The following ARK2C variants were observed in gnomAD, a reference collection of about 807,000 sequenced individuals.
ARK2C encodes the protein arkadia (RNF111) C-terminal like ring finger ubiquitin ligase 2C.
chr18:46,449,917 T>C, the ARK2C span, among the ~76,000 whole-genome samples: 20 of 152,322 alleles, frequency 1.3e-4, no homozygotes, highest in African/African-American at 4.6e-4. Flanking sequence ...GAAATCCTGG[T>C]TCTGTCCCTT....
the ARK2C span, chr18:46,457,128 C>T: frequency 1.3e-5 from 2 of 153,242 alleles, no homozygotes; most frequent in African/African-American, 4.8e-5. Flanking sequence ...GTCGCTATTA[C>T]CGAATTCGCA....
chr18:46,403,987 C>A, the ARK2C span, among the ~76,000 whole-genome samples: 16 of 152,172 alleles, frequency 1.1e-4, no homozygotes, highest in Admixed American at 9.8e-4. Flanking sequence ...GATTCTACTG[C>A]CCTGTGTGAT....
the ARK2C span, among the ~76,000 whole-genome samples, chr18:46,433,773 G>T: frequency 6.6e-6 from 1 of 152,254 alleles, no homozygotes; most frequent in Non-Finnish European, 1.5e-5. Flanking sequence ...TCAGAAGCCA[G>T]TGTGTGTCCC....
chr18:46,383,559 T>G, the ARK2C span, among the ~76,000 whole-genome samples: 5 of 145,072 alleles, frequency 3.4e-5, no homozygotes, highest in South Asian at 4.6e-4. Context: ...TGTTTTTTTT[T>G]TTTTTTTTTT....
the ARK2C span, among the ~76,000 whole-genome samples, chr18:46,448,188 C>A: frequency 6.7e-5 from 10 of 150,286 alleles, no homozygotes; most frequent in Non-Finnish European, 1.3e-4. Flanking sequence ...CCCCTTATAT[C>A]CTGGCTCCCC....
At chr18:46,454,237 A>AATTTGCC in the ARK2C span, among the ~76,000 whole-genome samples, 1 of 151,946 alleles carries the variant, frequency 6.6e-6, no homozygotes, top group African/African-American at 2.4e-5. Flanking sequence ...GAAAATCATG[A>AATTTGCC]ATAATGATGG....
the ARK2C span, among the ~76,000 whole-genome samples, chr18:46,374,429 G>A: frequency 1.3e-5 from 2 of 151,916 alleles, no homozygotes; most frequent in South Asian, 2.1e-4. Context: ...TTCTCCTCCC[G>A]CCAGCCCCTG....
chr18:46,385,597 CA>C, the ARK2C span: 2 of 152,166 alleles, frequency 1.3e-5, no homozygotes, highest in Non-Finnish European at 2.9e-5. Flanking sequence ...CTTTGAAATG[CA>C]CAGACAGAAA....
the ARK2C span, among the ~76,000 whole-genome samples, chr18:46,410,451 C>A: frequency 1.3e-5 from 2 of 152,206 alleles, no homozygotes; most frequent in Admixed American, 6.5e-5. Context: ...AGGACTGAAC[C>A]CGTTAGGCTG....
chr18:46,393,105 G>T, the ARK2C span, among the ~76,000 whole-genome samples: 1 of 152,188 alleles, frequency 6.6e-6, no homozygotes, highest in South Asian at 2.1e-4. Flanking sequence ...GTCACTTCCT[G>T]CTGTCTGAGC....
the ARK2C span, among the ~76,000 whole-genome samples, chr18:46,451,909 T>C: frequency 6.5e-4 from 99 of 152,340 alleles, no homozygotes; most frequent in Non-Finnish European, 1.2e-3. Flanking sequence ...CCAAAATGGC[T>C]GTGTACTGTA....
chr18:46,383,074 C>G, the ARK2C span, among the ~76,000 whole-genome samples: 1 of 152,280 alleles, frequency 6.6e-6, no homozygotes, highest in Admixed American at 6.5e-5. Flanking sequence ...TGCCTGCCTT[C>G]TTCTCAGCAT....
At chr18:46,362,310 C>T in the ARK2C span, among the ~76,000 whole-genome samples, 2 of 152,218 alleles carry the variant, frequency 1.3e-5, no homozygotes, top group African/African-American at 4.8e-5. Flanking sequence ...GACTCTTAGG[C>T]CTCGGTTTAC....
chr18:46,390,590 C>T, the ARK2C span, among the ~76,000 whole-genome samples: 3 of 152,298 alleles, frequency 2.0e-5, no homozygotes, highest in South Asian at 2.1e-4. Context: ...AATACTAACC[C>T]TTCTCAAAGT....
chr18:46,433,682 G>T, the ARK2C span, among the ~76,000 whole-genome samples: 22 of 152,226 alleles, frequency 1.4e-4, no homozygotes, highest in Non-Finnish European at 2.5e-4. Context: ...GTCACCAAGT[G>T]GGTCTCTGTA....
At chr18:46,360,112 G>A in the ARK2C span, among the ~76,000 whole-genome samples, 8 of 152,296 alleles carry the variant, frequency 5.3e-5, no homozygotes, top group South Asian at 1.7e-3. Flanking sequence ...CGCATCACAA[G>A]TCCATGCAAT....
the ARK2C span, among the ~76,000 whole-genome samples, chr18:46,348,983 G>A: frequency 6.6e-6 from 1 of 150,902 alleles, no homozygotes; most frequent in Non-Finnish European, 1.5e-5. Context: ...TGGTTGCATG[G>A]AGCACAGTTT....
At chr18:46,416,093 AC>A in the ARK2C span, among the ~76,000 whole-genome samples, 1 of 152,182 alleles carries the variant, frequency 6.6e-6, no homozygotes, top group South Asian at 2.1e-4. Flanking sequence ...AAAACTCAAA[AC>A]AATTGATTTG....
At chr18:46,353,169 A>G in the ARK2C span, among the ~76,000 whole-genome samples, 1 of 152,276 alleles carries the variant, frequency 6.6e-6, no homozygotes, top group Non-Finnish European at 1.5e-5. Flanking sequence ...AGACTATAGT[A>G]GAATGTTAGA....
Sources: gnomAD v4.1 joint callset for allele counts (sites outside exome capture counted in the v4.1 genomes callset) on GRCh38, gnomAD v4.1.1 for gene constraint, MANE v1.5 for transcripts, NCBI Gene and HGNC (gene_info 2026-07-23, HGNC 2026-07-21) for gene names.